Variants in ERCC2 observed in about 807,000 individuals in gnomAD.
ERCC2 encodes ERCC excision repair 2, TFIIH core complex helicase subunit, also known as general transcription and DNA repair factor IIH helicase subunit XPD.
In ERCC2, 90 loss-of-function variants were observed where a neutral mutation model predicts 99.4. That is an observed-to-expected ratio of 0.91 (90% CI 0.76 to 1.08). The LOEUF (loss-of-function observed/expected upper bound fraction) is 1.08, where lower values mean the gene tolerates loss of function less well. Ranked by LOEUF, ERCC2 falls within the 50% of genes least tolerant of loss-of-function variation. The pLI is 0.00. For missense variants in ERCC2, 993 were observed against 1,038.1 expected (o/e 0.96, Z 0.60); for synonymous variants, 497 against 432.4 (o/e 1.15, Z -1.85).
chr19:45,351,819 G>C, intron 22 of ERCC2, 98 bp from the exon 23 acceptor site: 2 of 1,053,034 alleles, frequency 1.9e-6, no homozygotes, highest in Non-Finnish European at 1.4e-6. Flanking sequence ...GGCCAGTAGG[G>C]ACAGGATGTT....
chr19:45,360,636 C>G (rs1972187421), intron 12 of ERCC2, among the ~76,000 whole-genome samples: 1 of 152,118 alleles, frequency 6.6e-6, no homozygotes, highest in Non-Finnish European at 1.5e-5. Flanking sequence ...CCTCGGCCCC[C>G]CAAACTGCTG....
chr19:45,352,208 C>A lies in ERCC2; in HGVS notation c.2190+1G>T, dbSNP rs921743604. 6.2e-7 allele frequency: 1 copy of A among 1,613,564 alleles called. No homozygotes were observed. Among genetic ancestry groups the A allele is most frequent in the Non-Finnish European group, 8.5e-7 (1 of 1,179,866 alleles). The stretch of plus-strand genomic sequence containing the variant: ...TGCCGGGAGGGGGACGCAGGCCTCA[C>A]CCGGTGGAAGGGCTGTGCCATCTGC... On this transcript the variant is annotated splice_donor_variant, in intron 22 of 22. Transcript: ENST00000391945. LOFTEE classifies it high-confidence loss of function.
chr19:45,355,323 C>T (rs1394539685), intron 16 of ERCC2, among the ~76,000 whole-genome samples: 1 of 150,788 alleles, frequency 6.6e-6, no homozygotes, highest in Non-Finnish European at 1.5e-5. Context: ...TGCCACTGCA[C>T]TCCAGCCTAG....
In ERCC2 at chr19:45,350,806, C is replaced by T; in HGVS notation, c.*823G>A. 7.4e-7 allele frequency: 1 copy of T among 1,349,616 alleles called. No individual in the cohort carries two copies. The highest frequency in any genetic ancestry group is 1.0e-6 in the Non-Finnish European group (1 of 965,428). 83.6% of individuals were successfully genotyped at this position (1,349,616 alleles called of 1,614,324 possible). On this transcript the variant is annotated 3_prime_UTR_variant, in exon 23 of 23. Transcript: ENST00000391945. Reference sequence around the variant, plus strand: ...CATCAGCAGAATCCACAGCCCACCCCACCCCCACCCCCATCTTGCTCAAGA... The same window carrying T: ...CATCAGCAGAATCCACAGCCCACCCTACCCCCACCCCCATCTTGCTCAAGA...
intron 21 of ERCC2, 46 bp from the exon 22 acceptor site, chr19:45,352,398 C>G: frequency 6.2e-7 from 1 of 1,613,694 alleles, no homozygotes; most frequent in Non-Finnish European, 8.5e-7. Context: ...ATTCGGGGAG[C>G]CTGGGCCACT....
At chr19:45,355,762 A>G in intron 15 of ERCC2, 34 bp from the exon 16 acceptor site, 1 of 1,585,596 alleles carries the variant, frequency 6.3e-7, no homozygotes, top group Non-Finnish European at 8.7e-7. Context: ...TAAGCGAGGC[A>G]GCAGCAACTG....
Position 45,352,764 on chromosome 19 carries a change from TG to T in ERCC2, c.1883del (p.Thr628AsnfsTer81). The T allele has an allele frequency of 6.2e-7, 1 of 1,613,780 alleles. No individual in the cohort carries two copies. The highest frequency in any genetic ancestry group is 8.5e-7 in the Non-Finnish European group (1 of 1,179,870). ...VIMFGVPYVY[T>X]QSRILKARLE... ...TACTCACCTTGAGAATGCGGCTCTG[TG>T]TGTAGACGTAGGGGACGCCAAACAT... On this transcript the variant is annotated frameshift_variant, in exon 20 of 23. Transcript: ENST00000391945. LOFTEE classifies it high-confidence loss of function.
At position 45,351,185 on chromosome 19, in the gene ERCC2, G is replaced by T; in HGVS notation, c.*444C>A. ...GGGTTTTACTTGGGGTAGAGGCGAG[G>T]GGGTTGGATAGTTGGCTGCCAGGCT... On this transcript the variant is annotated 3_prime_UTR_variant, in exon 23 of 23. Coordinates refer to ENST00000391945, the MANE Select transcript of ERCC2 (RefSeq NM_000400.4). The T allele has an allele frequency of 6.3e-7, 1 of 1,584,542 alleles. No individual in the cohort carries two copies. The highest frequency in any genetic ancestry group is 8.6e-7 in the Non-Finnish European group (1 of 1,164,704).
At chr19:45,368,830 TTCCCAAA>T (rs1201444279) in intron 4 of ERCC2, 87 bp from the exon 5 acceptor site, 8 of 1,565,246 alleles carry the variant, frequency 5.1e-6, no homozygotes, top group Non-Finnish European at 7.0e-6. Context: ...CTTCCCCAGC[TTCCCAAA>T]CACCCCCGAA....
chr19:45,369,474 T>G (rs1292497047), intron 2 of ERCC2, among the ~76,000 whole-genome samples: 2 of 151,848 alleles, frequency 1.3e-5, no homozygotes, highest in African/African-American at 2.4e-5. Context: ...CAAGACCAGC[T>G]GGGCCAACAA....
intron 12 of ERCC2, chr19:45,358,017 C>G (rs1972074362): frequency 2.1e-6 from 1 of 487,190 alleles, no homozygotes; most frequent in Non-Finnish European, 3.8e-6. Context: ...AGCCAGGAGC[C>G]AGAGCCTCAA....
In ERCC2 at chr19:45,352,817, C is replaced by G; in HGVS notation, c.1832-1G>C. 1 of 1,613,358 alleles carries G rather than the reference C, an allele frequency of 6.2e-7. No homozygotes were observed. The highest frequency in any genetic ancestry group is 8.5e-7 in the Non-Finnish European group (1 of 1,179,742). Reference sequence around the variant, plus strand: ...ATGACGGCCCGCCCGTAGTGGTGCACTGGTGGGCAGAGGAGAGGGGGCGAG... The same window carrying G: ...ATGACGGCCCGCCCGTAGTGGTGCAGTGGTGGGCAGAGGAGAGGGGGCGAG... On this transcript the variant is annotated splice_acceptor_variant, in intron 19 of 22. Coordinates refer to ENST00000391945, the MANE Select transcript of ERCC2 (RefSeq NM_000400.4). LOFTEE classifies it high-confidence loss of function.
intron 1 of ERCC2, 37 bp downstream of exon 1, chr19:45,370,499 G>A (rs1972572386): frequency 1.6e-6 from 2 of 1,264,482 alleles, no homozygotes; most frequent in South Asian, 1.5e-5. Flanking sequence ...GACCCCCCGC[G>A]CCCGCTAGCG....
intron 15 of ERCC2, among the ~76,000 whole-genome samples, chr19:45,356,839 G>A (rs1284478563): frequency 6.6e-6 from 1 of 152,108 alleles, no homozygotes; most frequent in Non-Finnish European, 1.5e-5. Flanking sequence ...ATCCAGCCTG[G>A]GGACTTCAGA....
At position 45,351,561 on chromosome 19, in the gene ERCC2, C is replaced by A. The variant is rs565650029; in HGVS notation, c.*68G>T. Reference sequence around the variant, plus strand: ...TCATAAGACCTTCTAGCACCACCGCCGCTGGGAACCAGGGCCAGGCAAGAC... The same window carrying A: ...TCATAAGACCTTCTAGCACCACCGCAGCTGGGAACCAGGGCCAGGCAAGAC... On this transcript the variant is annotated 3_prime_UTR_variant, in exon 23 of 23. Coordinates refer to ENST00000391945, the MANE Select transcript of ERCC2 (RefSeq NM_000400.4). 5.0e-6 allele frequency: 8 copies of A among 1,609,266 alleles called. No individual in the cohort carries two copies. In the African/African-American group the frequency reaches 6.7e-5, roughly 13 times the overall value.
Position 45,353,248 on chromosome 19 carries a change from G to C in ERCC2, c.1752C>G (p.Tyr584Ter). The C allele has an allele frequency of 6.2e-7, 1 of 1,613,664 alleles. No homozygotes were observed. Among genetic ancestry groups the C allele is most frequent in the Non-Finnish European group, 8.5e-7 (1 of 1,179,774 alleles). ...GAETSVALEK[Y>*]QEACENGRGA... ...GCTGGCCTCGCACACCCACCTCCTGGTACTTCTCCAGGGCGACACTGGTTT... is the reference window on the plus strand; with the variant it reads ...GCTGGCCTCGCACACCCACCTCCTGCTACTTCTCCAGGGCGACACTGGTTT... Residue 584 changes from tyrosine (Y) to a stop codon, truncating the protein, a stop_gained, in exon 18 of 23, where the codon TAC becomes TAG. Coordinates refer to ENST00000391945, the MANE Select transcript of ERCC2 (RefSeq NM_000400.4). LOFTEE classifies it high-confidence loss of function.
chr19:45,351,219 AGCTGGAGGGTG>A lies in ERCC2; in HGVS notation c.*399_*409del. On this transcript the variant is annotated 3_prime_UTR_variant, in exon 23 of 23. Coordinates refer to ENST00000391945, the MANE Select transcript of ERCC2 (RefSeq NM_000400.4). ...TAGTTGGCTGCCAGGCTGGACCTGG[AGCTGGAGGGTG>A]GATGTAACACTTGCCCCTCACCTCC... The A allele has an allele frequency of 6.3e-7, 1 of 1,591,514 alleles. No individual in the cohort carries two copies. Among genetic ancestry groups the A allele is most frequent in the Non-Finnish European group, 8.6e-7 (1 of 1,168,792 alleles).
intron 11 of ERCC2, 29 bp from the exon 12 acceptor site, chr19:45,361,671 G>C (rs1972226106): frequency 6.6e-7 from 1 of 1,524,170 alleles, no homozygotes. Context: ...GGGGTCGGGG[G>C]GCAGACGGAA....
At position 45,361,629 on chromosome 19, in the gene ERCC2, G is replaced by T. The variant is rs186220206; in HGVS notation, c.1132C>A (p.Arg378Ser). The part of the protein sequence containing the change: ...QRKPLRFCAE[R>S]LRSLLHTLEI... ...AGAGTATGCAGCAGGGACCGGAGGC[G>T]TTCAGCACAGAATCTGGCGGGGAGG... The change falls in exon 12 of 23, where the codon CGC becomes AGC. Residue 378 changes from arginine (R) to serine (S), a missense_variant. Physicochemically the swap from Arg to Ser is moderately radical, Grantham distance 110 (BLOSUM62 -1). Transcript: ENST00000391945. 1 of 1,613,380 alleles carries T rather than the reference G, an allele frequency of 6.2e-7. No individual in the cohort carries two copies. The highest frequency in any genetic ancestry group is 8.5e-7 in the Non-Finnish European group (1 of 1,179,392).
Sources: allele counts gnomAD v4.1 joint callset (sites outside exome capture counted in the v4.1 genomes callset), GRCh38; gene constraint gnomAD v4.1.1; transcripts MANE v1.5; gene names NCBI Gene and HGNC (gene_info 2026-07-23, HGNC 2026-07-21).